IKZF2: variants seen among roughly 807,000 people sequenced by gnomAD.
IKZF2 encodes zinc finger protein Helios.
IKZF2 carries 15 observed loss-of-function variants against 49.2 expected under a neutral mutation model. The ratio of observed to expected loss-of-function variants is 0.30; its 90% CI spans 0.20 to 0.47. The LOEUF is 0.47. Among genes scored for constraint, IKZF2 ranks in the 20% least tolerant of loss-of-function variants. IKZF2 has a pLI of 1.00. For missense variants in IKZF2, 567 were observed against 664.6 expected (o/e 0.85, Z 1.61); for synonymous variants, 227 against 221.4 (o/e 1.03, Z -0.23).
intron 8 of IKZF2, among the ~76,000 whole-genome samples, chr2:213,012,824 A>G (rs1176599538): frequency 6.6e-6 from 1 of 152,094 alleles, no homozygotes; most frequent in African/African-American, 2.4e-5. Context: ...CCATTTAATC[A>G]GGATGTCCCA....
rs201310615 is a variant in IKZF2 at position 213,007,885 on chromosome 2, G to A, written c.1056C>T (p.Ser352=). Residue 352 remains serine, a synonymous_variant, in exon 9 of 9, where the codon AGC becomes AGT. Coordinates refer to ENST00000434687, the MANE Select transcript of IKZF2 (RefSeq NM_001387220.1). ...GATGATAGACCTGAGAATAAGCTGAGCTTATAACTGGGGCCACTTCAGCGA... is the reference window on the plus strand; with the variant it reads ...GATGATAGACCTGAGAATAAGCTGAACTTATAACTGGGGCCACTTCAGCGA... ...STIAEVAPVI[S]SAYSQVYHPN... is the part of the protein sequence containing the mutation. 1 of 1,613,464 alleles carries A rather than the reference G, an allele frequency of 6.2e-7. No individual in the cohort carries two copies. The highest frequency in any genetic ancestry group is 8.5e-7 in the Non-Finnish European group (1 of 1,179,748).
chr2:213,146,328 T>G (rs1458950845), intron 4 of IKZF2, among the ~76,000 whole-genome samples: 1 of 152,082 alleles, frequency 6.6e-6, no homozygotes, highest in Non-Finnish European at 1.5e-5. Flanking sequence ...TGCAAAAGAT[T>G]CATTATGAGA....
intron 4 of IKZF2, among the ~76,000 whole-genome samples, chr2:213,128,804 C>CTTT (rs1184422126): frequency 1.3e-3 from 150 of 113,194 alleles, no homozygotes; most frequent in African/African-American, 4.0e-3. Flanking sequence ...ATTTTTTTTT[C>CTTT]TTTTTTTTTT....
rs535615938 is a variant in IKZF2 at position 213,128,164 on chromosome 2, A to T, written c.139+19544T>A. 3.1e-4 allele frequency among the ~76,000 whole-genome samples: 47 copies of T among 152,334 alleles called. No homozygotes were observed. The South Asian group carries it at 9.5e-3, about 31-fold the overall frequency. ...ATGTATTTCCTAGAATGCAAGTGGT[A>T]ACTTTAGAATGGGGTTGGTATTCAT... On this transcript the variant is annotated intron_variant, in intron 4 of 8. Transcript: ENST00000434687.
At position 213,048,998 on chromosome 2, in the gene IKZF2, T is replaced by C. The variant is rs1163294788; in HGVS notation, c.574+715A>G. The stretch of plus-strand genomic sequence containing the variant: ...TTAACTTCTTGGTTATGAAAATTTA[T>C]GCTAAAAGTCAAATGAGATTCATTT... On this transcript the variant is annotated intron_variant, in intron 6 of 8. Transcript: ENST00000434687. 3.9e-5 allele frequency among the ~76,000 whole-genome samples: 6 copies of C among 152,134 alleles called. 2 individuals carry two copies. Among genetic ancestry groups the C allele is most frequent in the Non-Finnish European group, 8.8e-5 (6 of 67,970 alleles).
chr2:213,129,095 T>A (rs1249078282), intron 4 of IKZF2, among the ~76,000 whole-genome samples: 1 of 151,908 alleles, frequency 6.6e-6, no homozygotes, highest in East Asian at 1.9e-4. Flanking sequence ...CACAGAGAAT[T>A]CTATTTATGG....
At chr2:213,106,508 G>A (rs765668477) in intron 4 of IKZF2, among the ~76,000 whole-genome samples, 9 of 151,882 alleles carry the variant, frequency 5.9e-5, no homozygotes, top group Non-Finnish European at 1.2e-4. Flanking sequence ...GGTGGCGCAT[G>A]TCCCTAGCCC....
At position 213,112,616 on chromosome 2, in the gene IKZF2, T is replaced by C. The variant is rs569003196; in HGVS notation, c.139+35092A>G. 3.3e-5 allele frequency among the ~76,000 whole-genome samples: 5 copies of C among 152,176 alleles called. No homozygotes were observed. The East Asian group carries it at 7.7e-4, about 23-fold the overall frequency. Reference sequence around the variant, plus strand: ...AGCTAAAATTACAGGTGCAAGCCACTGGGCCCAGCTCAATATTCCATATTC... The same window carrying C: ...AGCTAAAATTACAGGTGCAAGCCACCGGGCCCAGCTCAATATTCCATATTC... On this transcript the variant is annotated intron_variant, in intron 4 of 8. Coordinates refer to ENST00000434687, the MANE Select transcript of IKZF2 (RefSeq NM_001387220.1).
rs1364226436 is a variant in IKZF2 at position 213,150,191 on chromosome 2, T to C, written c.-63A>G. On this transcript the variant is annotated 5_prime_UTR_variant, in exon 2 of 9. Transcript: ENST00000434687. ...AAAAAGATTCATCACCATTTCCAGC[T>C]CTGTCGGGAGATCTCAGCTTCTTCT... The C allele has an allele frequency of 1.5e-6, 2 of 1,303,616 alleles. No homozygotes were observed. Among genetic ancestry groups the C allele is most frequent in the Non-Finnish European group, 1.0e-6 (1 of 988,088 alleles). 80.8% of individuals were successfully genotyped at this position (1,303,616 alleles called of 1,614,324 possible). A position where few individuals can be genotyped will look rare whatever the true frequency, so the allele number is the denominator to read the frequency against.
intron 7 of IKZF2, among the ~76,000 whole-genome samples, chr2:213,019,107 G>A (rs530443494): frequency 6.6e-6 from 1 of 152,042 alleles, no homozygotes; most frequent in South Asian, 2.1e-4. Context: ...CTTGATAAAT[G>A]TTTTCTGAGT....
At chr2:213,101,796 A>C (rs1361946006) in intron 4 of IKZF2, among the ~76,000 whole-genome samples, 1 of 152,200 alleles carries the variant, frequency 6.6e-6, no homozygotes, top group African/African-American at 2.4e-5. Flanking sequence ...TGCTAATGAT[A>C]GTAGCTGTGG....
At chr2:213,026,683 C>T (rs1236439466) in intron 6 of IKZF2, among the ~76,000 whole-genome samples, 2 of 151,800 alleles carry the variant, frequency 1.3e-5, no homozygotes, top group African/African-American at 2.4e-5. Flanking sequence ...TTTGGTATTT[C>T]TGTATTATCC....
chr2:213,108,834 A>T (rs1375643812), intron 4 of IKZF2, among the ~76,000 whole-genome samples: 1 of 152,092 alleles, frequency 6.6e-6, no homozygotes, highest in African/African-American at 2.4e-5. Context: ...TAAAAGTATA[A>T]ATCAAACAAA....
chr2:213,071,729 A>G (rs1401141527), intron 4 of IKZF2, among the ~76,000 whole-genome samples: 1 of 152,128 alleles, frequency 6.6e-6, no homozygotes, highest in African/African-American at 2.4e-5. Context: ...GCCCTACCAT[A>G]TATCCCTTTA....
At chr2:213,060,031 G>A (rs1007004738) in intron 4 of IKZF2, among the ~76,000 whole-genome samples, 7 of 151,160 alleles carry the variant, frequency 4.6e-5, no homozygotes, top group Admixed American at 2.6e-4. Flanking sequence ...TTTAATATAC[G>A]CATGTCATAC....
At chr2:213,123,349 T>C (rs1177011577) in intron 4 of IKZF2, among the ~76,000 whole-genome samples, 4 of 152,238 alleles carry the variant, frequency 2.6e-5, no homozygotes, top group African/African-American at 4.8e-5. Context: ...TGCTCAAAAT[T>C]CTATGCACAA....
Position 213,002,935 on chromosome 2 carries a change from C to T in IKZF2, c.*4425G>A, listed in dbSNP as rs1304520686. ...AATTCAATTCACAGGTAAAGTTTCA[C>T]TCTATATTTTACCTGCATAATCTTG... On this transcript the variant is annotated 3_prime_UTR_variant, in exon 9 of 9. Coordinates refer to ENST00000434687, the MANE Select transcript of IKZF2 (RefSeq NM_001387220.1). 1 of 151,882 alleles carries T rather than the reference C, an allele frequency of 6.6e-6. No homozygotes were observed. The highest frequency in any genetic ancestry group is 1.5e-5 in the Non-Finnish European group (1 of 67,600). The allele number at this position is 151,882 out of a possible 1,614,324, so 9.4% of individuals were successfully genotyped here.
At chr2:213,122,876 A>G (rs1231262867) in intron 4 of IKZF2, among the ~76,000 whole-genome samples, 1 of 152,218 alleles carries the variant, frequency 6.6e-6, no homozygotes, top group Admixed American at 6.5e-5. Flanking sequence ...TCCTCCTCAA[A>G]TGTTCACACA....
intron 6 of IKZF2, among the ~76,000 whole-genome samples, chr2:213,045,480 C>T (rs1700064827): frequency 6.6e-6 from 1 of 152,166 alleles, no homozygotes; most frequent in African/African-American, 2.4e-5. Flanking sequence ...GTCAACTCTG[C>T]TCTCTTTGTC....
Sources: allele counts gnomAD v4.1 joint callset (sites outside exome capture counted in the v4.1 genomes callset), GRCh38; gene constraint gnomAD v4.1.1; transcripts MANE v1.5; gene names NCBI Gene and HGNC (gene_info 2026-07-23, HGNC 2026-07-21).